The following ITGA11 variants were observed in gnomAD, a reference collection of about 807,000 sequenced individuals.
The protein encoded by ITGA11 is integrin alpha-11.
In ITGA11, 97 loss-of-function variants were observed where a neutral mutation model predicts 141.9. The ratio of observed to expected loss-of-function variants is 0.68; its 90% confidence interval spans 0.58 to 0.81. The LOEUF (loss-of-function observed/expected upper bound fraction) is 0.81. Ranked by LOEUF, ITGA11 falls within the 30% of genes least tolerant of loss-of-function variation. ITGA11 has a pLI of 0.00. For missense variants in ITGA11, 1,387 were observed against 1,559.2 expected (o/e 0.89, Z 1.86); for synonymous variants, 658 against 624.6 (o/e 1.05, Z -0.80).
chr15:68,424,978 GA>G (rs2140441126), intron 1 of ITGA11, among the ~76,000 whole-genome samples: 1 of 152,342 alleles, frequency 6.6e-6, no homozygotes, highest in East Asian at 1.9e-4. Context: ...TCAGTGTTTG[GA>G]ATGAGCCCTG....
intron 12 of ITGA11, among the ~76,000 whole-genome samples, chr15:68,334,473 A>G (rs759105890): frequency 2.2e-4 from 33 of 152,230 alleles, no homozygotes; most frequent in Non-Finnish European, 1.0e-4. Flanking sequence ...TACCCCGTCC[A>G]TCTCTGGCTT....
intron 2 of ITGA11, among the ~76,000 whole-genome samples, chr15:68,376,455 C>A (rs1479818526): frequency 6.6e-6 from 1 of 152,174 alleles, no homozygotes; most frequent in African/African-American, 2.4e-5. Context: ...GATTTAAGCC[C>A]CAAGGGAGCT....
rs1340776061 is a variant in ITGA11, at chr15:68,296,644, T to A, written c.*6415A>T. The A allele has an allele frequency of 6.6e-6, 1 of 152,212 alleles. No individual in the cohort carries two copies. Among genetic ancestry groups the A allele is most frequent in the African/African-American group, 2.4e-5 (1 of 41,464 alleles). The allele number at this position is 152,212 out of a possible 1,614,324, so 9.4% of individuals were successfully genotyped here. ...TGTTTTTTTTCTACTTGTTAGAAGT[T>A]CCTTAGAAGTTTGAGGACATTTTCT... On this transcript the variant is annotated 3_prime_UTR_variant, in exon 30 of 30. Transcript: ENST00000315757.
chr15:68,373,341 C>A (rs772893088), intron 2 of ITGA11, among the ~76,000 whole-genome samples: 2 of 152,214 alleles, frequency 1.3e-5, no homozygotes, highest in African/African-American at 4.8e-5. Context: ...ACCAACCTAA[C>A]CTTCTGTGTG....
At chr15:68,389,722 G>A (rs1422901823) in intron 2 of ITGA11, among the ~76,000 whole-genome samples, 1 of 152,188 alleles carries the variant, frequency 6.6e-6, no homozygotes, top group Admixed American at 6.5e-5. Context: ...CTGGGGACTG[G>A]CAGTCTTCTG....
chr15:68,303,710 G>A lies in ITGA11; in HGVS notation c.3495+62C>T. The A allele has an allele frequency of 1.7e-6, 2 of 1,206,772 alleles. No homozygotes were observed. The highest frequency in any genetic ancestry group is 2.4e-6 in the Non-Finnish European group (2 of 828,532). 74.8% of individuals were successfully genotyped at this position (1,206,772 alleles called of 1,614,324 possible). ...GTGGCAGCGGCCACGAAGTTCCAGGGGCTGGAGCCTGGGCCCACCAGCCAG... is the reference window on the plus strand; with the variant it reads ...GTGGCAGCGGCCACGAAGTTCCAGGAGCTGGAGCCTGGGCCCACCAGCCAG... On this transcript the variant is annotated intron_variant, in intron 29 of 29. Transcript: ENST00000315757. This position sits in a 1 kb window ranked among gnomAD's most constrained non-coding sequence, Gnocchi z 5.3.
rs771327153 is a variant in ITGA11 at position 68,364,737 on chromosome 15, G to A, written c.327C>T (p.Leu109=). ...RKDNMRLGLS[L]ATNPKDNSFL... is the part of the protein sequence containing the mutation. ...AGCTGTTGTCCTTGGGGTTGGTGGC[G>A]AGACTAAGGCCGAGGCGCATGTTGT... The change falls in exon 4 of 30, where the codon CTC becomes CTT. Residue 109 remains leucine, a synonymous_variant. Transcript: ENST00000315757. 4.3e-6 allele frequency: 7 copies of A among 1,613,684 alleles called. No individual in the cohort carries two copies. The African/African-American group carries it at 5.3e-5, about 12-fold the overall frequency.
chr15:68,416,405 C>A (rs555993593), intron 1 of ITGA11, among the ~76,000 whole-genome samples: 8 of 152,156 alleles, frequency 5.3e-5, no homozygotes, highest in African/African-American at 1.7e-4. Context: ...AGACAGAGAA[C>A]GAGCAAGGGC....
intron 2 of ITGA11, among the ~76,000 whole-genome samples, chr15:68,379,689 T>C (rs1029643183): frequency 6.6e-5 from 10 of 152,208 alleles, no homozygotes; most frequent in African/African-American, 2.4e-4. Flanking sequence ...GGACATGCAA[T>C]GTAACCCCTC....
chr15:68,375,753 T>C (rs756061777), intron 2 of ITGA11, among the ~76,000 whole-genome samples: 16 of 152,156 alleles, frequency 1.1e-4, no homozygotes, highest in Non-Finnish European at 2.2e-4. Context: ...GACATATACA[T>C]GATGATTAAT....
intron 1 of ITGA11, among the ~76,000 whole-genome samples, chr15:68,410,974 G>A (rs1896759316): frequency 6.6e-6 from 1 of 152,194 alleles, no homozygotes; most frequent in Non-Finnish European, 1.5e-5. Flanking sequence ...CTCACCCTGG[G>A]AAGCCCCCAG....
At chr15:68,420,534 T>C (rs1258571120) in intron 1 of ITGA11, among the ~76,000 whole-genome samples, 2 of 152,164 alleles carry the variant, frequency 1.3e-5, no homozygotes, top group South Asian at 2.1e-4. Context: ...AAGCCTTTGA[T>C]AACAAGTGGA....
At chr15:68,401,356 G>T (rs1263654866) in intron 2 of ITGA11, among the ~76,000 whole-genome samples, 3 of 152,026 alleles carry the variant, frequency 2.0e-5, no homozygotes, top group Non-Finnish European at 2.9e-5. Flanking sequence ...CTATCCCGGA[G>T]TAAAAACCCA....
chr15:68,344,531 G>T (rs1894681104), intron 10 of ITGA11, among the ~76,000 whole-genome samples: 1 of 152,140 alleles, frequency 6.6e-6, no homozygotes, highest in African/African-American at 2.4e-5. Context: ...AGAGGCAGGA[G>T]GGTGGCTGGG....
chr15:68,415,451 G>A (rs1243103124), intron 1 of ITGA11, among the ~76,000 whole-genome samples: 1 of 152,208 alleles, frequency 6.6e-6, no homozygotes, highest in Non-Finnish European at 1.5e-5. Context: ...AGCACGGGGG[G>A]CTTCTGTGGA....
At chr15:68,429,417 A>G (rs1052017944) in intron 1 of ITGA11, among the ~76,000 whole-genome samples, 4 of 152,188 alleles carry the variant, frequency 2.6e-5, no homozygotes, top group African/African-American at 9.6e-5. Flanking sequence ...ATAGGTTATG[A>G]CTGTAAAGCT....
intron 2 of ITGA11, among the ~76,000 whole-genome samples, chr15:68,390,749 C>T (rs1484058821): frequency 6.6e-6 from 1 of 152,228 alleles, no homozygotes; most frequent in African/African-American, 2.4e-5. Flanking sequence ...TTTGGGTATT[C>T]TTTGATCCTG....
chr15:68,391,953 C>T (rs937016419), intron 2 of ITGA11, among the ~76,000 whole-genome samples: 4 of 152,142 alleles, frequency 2.6e-5, no homozygotes, highest in East Asian at 1.9e-4. Context: ...ACCATGTAAA[C>T]AATATGGATG....
In ITGA11 at chr15:68,332,000, C is replaced by A. The variant is rs1362755223; in HGVS notation, c.1629G>T (p.Gly543=). The change falls in exon 14 of 30, where the codon GGG becomes GGT. Residue 543 remains glycine (G), a synonymous_variant. Transcript: ENST00000315757. ...DSHSYQNARF[G]SSIASVRDLN... is the part of the protein sequence containing the mutation. ...GGTCTCGAACTGAGGCAATGGAGGA[C>A]CCAAATCGGGCATTCTGGTAACTGT... The A allele has an allele frequency of 6.2e-7, 1 of 1,612,160 alleles. No homozygotes were observed. The highest frequency in any genetic ancestry group is 8.5e-7 in the Non-Finnish European group (1 of 1,179,256).
Sources: allele counts gnomAD v4.1 joint callset (sites outside exome capture counted in the v4.1 genomes callset), GRCh38; gene constraint gnomAD v4.1.1; non-coding constraint Gnocchi (gnomAD v3.1); transcripts MANE v1.5; gene names NCBI Gene and HGNC (gene_info 2026-07-23, HGNC 2026-07-21).